SNX29: variants seen among roughly 807,000 people sequenced by gnomAD.
SNX29 encodes the protein sorting nexin 29.
A neutral mutation model predicts 102.1 loss-of-function variants in SNX29; 78 were observed. That is an observed-to-expected ratio of 0.76 (90% CI 0.64 to 0.92). SNX29 has a LOEUF of 0.92. Among genes scored for constraint, SNX29 ranks in the 40% least tolerant of loss-of-function variants. The pLI, the probability that SNX29 is intolerant of heterozygous loss-of-function variation, is 0.00. For missense variants in SNX29, 1,280 were observed against 1,061.7 expected (o/e 1.21, Z -2.86); for synonymous variants, 580 against 414.5 (o/e 1.40, Z -4.85).
chr16:12,327,173 G>T (rs1330681361), intron 15 of SNX29, among the ~76,000 whole-genome samples: 1 of 152,102 alleles, frequency 6.6e-6, no homozygotes, highest in Non-Finnish European at 1.5e-5. Context: ...CATGTTTTTT[G>T]TGTCAGTCAT....
At chr16:12,561,258 C>G (rs118029041) in intron 20 of SNX29, 5 of 230,116 alleles carry the variant, frequency 2.2e-5, no homozygotes, top group Admixed American at 1.1e-4. Context: ...TCCCACTCCA[C>G]AGATCCAAGG....
chr16:12,287,578 A>G (rs2079640176), intron 15 of SNX29, among the ~76,000 whole-genome samples: 1 of 152,224 alleles, frequency 6.6e-6, no homozygotes, highest in Non-Finnish European at 1.5e-5. Flanking sequence ...GTAGTTAGGA[A>G]TATATTGGTA....
chr16:12,350,263 T>A lies in SNX29; in HGVS notation c.1783-5900T>A, dbSNP rs146897752. 1.9e-3 allele frequency among the ~76,000 whole-genome samples: 282 copies of A among 152,352 alleles called. 1 individual carries two copies. The highest frequency in any genetic ancestry group is 6.3e-3 in the African/African-American group (264 of 41,584). ...AAATACCGGGCGGGGAGAATGCATC[T>A]GTACTGAACGTGTACAGACTTTTTT... On this transcript the variant is annotated intron_variant, in intron 15 of 20. Coordinates refer to ENST00000566228, the MANE Select transcript of SNX29 (RefSeq NM_032167.5).
intron 15 of SNX29, among the ~76,000 whole-genome samples, chr16:12,285,127 C>T (rs181187400): frequency 8.5e-5 from 13 of 152,300 alleles, no homozygotes; most frequent in East Asian, 7.7e-4. Flanking sequence ...TGCTTACCAG[C>T]GGTGCTCTCA....
intron 18 of SNX29, among the ~76,000 whole-genome samples, chr16:12,470,771 A>G (rs1451962266): frequency 2.0e-5 from 3 of 152,220 alleles, no homozygotes; most frequent in Admixed American, 6.5e-5. Context: ...TGCACATCCT[A>G]TAATTAGCCC....
At chr16:12,339,630 GCTCT>G (rs1388116810) in intron 15 of SNX29, among the ~76,000 whole-genome samples, 1 of 152,186 alleles carries the variant, frequency 6.6e-6, no homozygotes, top group Non-Finnish European at 1.5e-5. Context: ...TCCTGCTGTT[GCTCT>G]CTGCTTTCTT....
chr16:12,247,367 T>A (rs950208347), intron 14 of SNX29, among the ~76,000 whole-genome samples: 2 of 152,244 alleles, frequency 1.3e-5, no homozygotes, highest in African/African-American at 4.8e-5. Context: ...TCCTGTAGCC[T>A]TTCTTCCTTT....
At chr16:12,518,781 A>G (rs183435511) in intron 19 of SNX29, among the ~76,000 whole-genome samples, 2 of 152,328 alleles carry the variant, frequency 1.3e-5, no homozygotes, top group East Asian at 3.9e-4. Flanking sequence ...CCAATGGGGT[A>G]GGAGCTACCC....
intron 18 of SNX29, among the ~76,000 whole-genome samples, chr16:12,409,715 G>A (rs998414837): frequency 2.6e-5 from 4 of 152,104 alleles, no homozygotes; most frequent in East Asian, 1.9e-4. Context: ...CCTTAAAAAA[G>A]CTCACCTATT....
chr16:12,471,963 A>C (rs1321264307), intron 18 of SNX29, among the ~76,000 whole-genome samples: 1 of 152,238 alleles, frequency 6.6e-6, no homozygotes, highest in Non-Finnish European at 1.5e-5. Flanking sequence ...ATGACTGCAA[A>C]AGACACAAGT....
intron 3 of SNX29, among the ~76,000 whole-genome samples, chr16:12,014,232 A>G (rs1462442191): frequency 6.6e-6 from 1 of 152,106 alleles, no homozygotes; most frequent in Non-Finnish European, 1.5e-5. Context: ...TCACGCCTGC[A>G]TCCAGGGGCT....
chr16:12,496,838 C>T (rs958864724), intron 19 of SNX29, among the ~76,000 whole-genome samples: 2 of 152,042 alleles, frequency 1.3e-5, no homozygotes, highest in African/African-American at 4.8e-5. Flanking sequence ...ATTTTTTTTC[C>T]TCTGAGCTTT....
chr16:12,400,449 G>C (rs538551326), intron 17 of SNX29, among the ~76,000 whole-genome samples: 8 of 152,142 alleles, frequency 5.3e-5, no homozygotes, highest in Non-Finnish European at 1.0e-4. Context: ...AAATTGAGCC[G>C]GGTTTCAAAC....
At chr16:12,083,297 C>G (rs2052000305) in intron 11 of SNX29, among the ~76,000 whole-genome samples, 1 of 138,682 alleles carries the variant, frequency 7.2e-6, no homozygotes, top group East Asian at 2.1e-4. Flanking sequence ...CAGAGCAAGA[C>G]TATGTCTCAA....
intron 20 of SNX29, among the ~76,000 whole-genome samples, chr16:12,552,518 G>A (rs1000719838): frequency 3.3e-4 from 51 of 152,276 alleles, no homozygotes; most frequent in African/African-American, 1.1e-3. Context: ...CCTGCCAAAT[G>A]GGCCTTCATT....
chr16:12,538,095 C>T (rs551264166), intron 20 of SNX29, among the ~76,000 whole-genome samples: 5 of 150,302 alleles, frequency 3.3e-5, no homozygotes, highest in South Asian at 2.2e-4. Flanking sequence ...TAAGCAAATT[C>T]ACAGCTTTCT....
At chr16:12,525,118 A>G (rs116479099) in intron 20 of SNX29, among the ~76,000 whole-genome samples, 1,768 of 152,166 alleles carry the variant, frequency 0.012, 40 homozygotes, top group African/African-American at 0.041. Context: ...ACTTTCACAC[A>G]TTTCGATCAA....
intron 4 of SNX29, among the ~76,000 whole-genome samples, chr16:12,042,302 T>C (rs142897503): frequency 0.012 from 1,793 of 152,332 alleles, 14 homozygotes; most frequent in Middle Eastern, 0.041. Context: ...GTGCTGGGAT[T>C]ACAGGCATGA....
chr16:12,447,710 G>C (rs191868717), intron 18 of SNX29, among the ~76,000 whole-genome samples: 1 of 152,320 alleles, frequency 6.6e-6, no homozygotes, highest in East Asian at 1.9e-4. Flanking sequence ...TAACAGATAA[G>C]ATTGCCAGCT....
Sources: gnomAD v4.1 joint callset for allele counts (sites outside exome capture counted in the v4.1 genomes callset) on GRCh38, gnomAD v4.1.1 for gene constraint, MANE v1.5 for transcripts, NCBI Gene and HGNC (gene_info 2026-07-23, HGNC 2026-07-21) for gene names.